Variants in FLRT1 observed in about 807,000 individuals in gnomAD.
The protein encoded by FLRT1 is leucine-rich repeat transmembrane protein FLRT1.
A neutral mutation model predicts 30.9 loss-of-function variants in FLRT1; 14 were observed. The ratio of observed to expected loss-of-function variants is 0.45; its 90% CI spans 0.30 to 0.71. The LOEUF is 0.71. FLRT1 is among the 30% of genes least tolerant of loss of function. FLRT1 has a pLI of 0.08. For missense variants in FLRT1, 737 were observed against 949.2 expected (o/e 0.78, Z 2.94); for synonymous variants, 368 against 430.4 (o/e 0.85, Z 1.80).
chr11:64,053,147 G>C (rs776902687), intron 1 of FLRT1, among the ~76,000 whole-genome samples: 1 of 152,206 alleles, frequency 6.6e-6, no homozygotes, highest in African/African-American at 2.4e-5. Flanking sequence ...AGGCTCATGC[G>C]GGCCCCAGAC....
intron 1 of FLRT1, among the ~76,000 whole-genome samples, chr11:64,093,105 G>A (rs927751162): frequency 2.6e-5 from 4 of 152,194 alleles, no homozygotes; most frequent in Non-Finnish European, 5.9e-5. Context: ...CCCTGGGCAG[G>A]CTCCTGAATA....
At position 64,060,249 on chromosome 11, in the gene FLRT1, C is replaced by G. The variant is rs756133863; in HGVS notation, c.-1038+24090C>G. 2.6e-4 allele frequency among the ~76,000 whole-genome samples: 39 copies of G among 152,248 alleles called. 2 individuals are homozygous for G. The highest frequency in any genetic ancestry group is 2.2e-4 in the Non-Finnish European group (15 of 68,042). On this transcript the variant is annotated intron_variant, in intron 1 of 2. Transcript: ENST00000682287. ...GGCCTGACAGCTCCCCACGCGGGCG[C>G]CCAGGAGGCCCCAGAGCTCCGGGAG...
Position 64,116,534 on chromosome 11 carries a change from G to A in FLRT1, c.267G>A (p.Gln89=). 6.2e-7 allele frequency: 1 copy of A among 1,614,010 alleles called. No homozygotes were observed. The highest frequency in any genetic ancestry group is 8.5e-7 in the Non-Finnish European group (1 of 1,179,982). Residue 89 remains glutamine (Q), a synonymous_variant, in exon 3 of 3, where the codon CAG becomes CAA. Transcript: ENST00000682287. ...ATGATGCCACCACCCTCTACCTGCA[G>A]AACAACCAGATCAACAACGCCGGCA... The part of the protein sequence containing the change: ...IPDDATTLYL[Q]NNQINNAGIP...
chr11:64,047,169 C>T (rs1341591485), intron 1 of FLRT1, among the ~76,000 whole-genome samples: 1 of 152,170 alleles, frequency 6.6e-6, no homozygotes, highest in Non-Finnish European at 1.5e-5. Context: ...TGCCTGCCTC[C>T]ACCCACCTGT....
chr11:64,052,817 C>A (rs1590843000), intron 1 of FLRT1, among the ~76,000 whole-genome samples: 1 of 152,300 alleles, frequency 6.6e-6, no homozygotes, highest in Non-Finnish European at 1.5e-5. Context: ...TCCAGGGGCC[C>A]TTTGCCCAGG....
intron 1 of FLRT1, among the ~76,000 whole-genome samples, chr11:64,046,269 C>A (rs1456320419): frequency 1.3e-5 from 2 of 152,166 alleles, no homozygotes; most frequent in Non-Finnish European, 2.9e-5. Flanking sequence ...GGGACAGGGG[C>A]CACCTCCTGC....
At position 64,065,247 on chromosome 11, in the gene FLRT1, T is replaced by C. The variant is rs187829752; in HGVS notation, c.-1038+29088T>C. ...GAAGAGCGGGTAGAGTGTTGAGCGA[T>C]CGGAGCAGTGAGGCGGTGGGTGGGC... On this transcript the variant is annotated intron_variant, in intron 1 of 2. Transcript: ENST00000682287. Among the ~76,000 whole-genome samples, 42 of 152,154 alleles carry C rather than the reference T, an allele frequency of 2.8e-4. 1 individual carries two copies. The East Asian group carries it at 4.4e-3, about 16-fold the overall frequency.
In FLRT1 at chr11:64,053,613, G is replaced by T. The variant is rs542185721; in HGVS notation, c.-1038+17454G>T. On this transcript the variant is annotated intron_variant, in intron 1 of 2. Transcript: ENST00000682287. Reference sequence around the variant, plus strand: ...GAGCAGGAAGTGGGAGGGATGTGGGGCCCCTACCCTGGGGATCTACAGGGG... The same window carrying T: ...GAGCAGGAAGTGGGAGGGATGTGGGTCCCCTACCCTGGGGATCTACAGGGG... Among the ~76,000 whole-genome samples the T allele has an allele frequency of 4.6e-5, 7 of 152,254 alleles. No individual in the cohort carries two copies. In the South Asian group the frequency reaches 1.4e-3, roughly 32 times the overall value.
rs1382823627 is a variant in FLRT1 at position 64,067,243 on chromosome 11, A to G, written c.-1038+31084A>G. On this transcript the variant is annotated intron_variant, in intron 1 of 2. Transcript: ENST00000682287. This position sits in a 1 kb window ranked among gnomAD's most constrained non-coding sequence, Gnocchi z 4.6. Reference sequence around the variant, plus strand: ...TGGGGAGAGGCCTTGCATGGCACCCACTCCCACCTGTGCGGCACGAGAGGG... The same window carrying G: ...TGGGGAGAGGCCTTGCATGGCACCCGCTCCCACCTGTGCGGCACGAGAGGG... Among the ~76,000 whole-genome samples, 1 of 151,620 alleles carries G rather than the reference A, an allele frequency of 6.6e-6. No homozygotes were observed. Among genetic ancestry groups the G allele is most frequent in the East Asian group, 1.9e-4 (1 of 5,134 alleles).
In FLRT1 at chr11:64,117,958, T is replaced by G; in HGVS notation, c.1691T>G (p.Val564Gly). ...ATCATCGGCGGGGCAGTGGCTCTGG[T>G]CTTCCTCTTCCTGGTCCTGGGGGCC... is the stretch of plus-strand genomic sequence containing the variant. Reference protein sequence around the residue: ...AGIIGGAVALVFLFLVLGAIC... With the variant: ...AGIIGGAVALGFLFLVLGAIC... Residue 564 changes from valine (V) to glycine (G), a missense_variant, in exon 3 of 3, where the codon GTC (valine) becomes GGC (glycine). Physicochemically the swap from Val to Gly is moderately radical, Grantham distance 109. Coordinates refer to ENST00000682287, the MANE Select transcript of FLRT1 (RefSeq NM_013280.5). The G allele has an allele frequency of 6.2e-7, 1 of 1,613,606 alleles. No individual in the cohort carries two copies. The highest frequency in any genetic ancestry group is 8.5e-7 in the Non-Finnish European group (1 of 1,179,978).
Position 64,109,463 on chromosome 11 carries a change from A to T in FLRT1, c.-50+5282A>T, listed in dbSNP as rs1463359188. Among the ~76,000 whole-genome samples the T allele has an allele frequency of 3.3e-5, 5 of 152,120 alleles. No homozygotes were observed. In the South Asian group the frequency reaches 1.0e-3, roughly 32 times the overall value. ...GGGCAGCAGCTCCACAAAGGGTCTA[A>T]TGCACCGTGAGCACAGCTTCTGGGG... On this transcript the variant is annotated intron_variant, in intron 2 of 2. Coordinates refer to ENST00000682287, the MANE Select transcript of FLRT1 (RefSeq NM_013280.5).
intron 1 of FLRT1, among the ~76,000 whole-genome samples, chr11:64,065,888 A>G (rs573947850): frequency 6.6e-6 from 1 of 152,152 alleles, no homozygotes; most frequent in Admixed American, 6.5e-5. Context: ...ACCCCAGTGC[A>G]GAGTGGTTGG....
intron 1 of FLRT1, among the ~76,000 whole-genome samples, chr11:64,046,924 C>T (rs185390801): frequency 2.6e-5 from 4 of 152,336 alleles, no homozygotes; most frequent in African/African-American, 4.8e-5. Context: ...AGTCAAGTCA[C>T]GCACTAGCTC....
intron 1 of FLRT1, among the ~76,000 whole-genome samples, chr11:64,063,301 G>C (rs560057088): frequency 2.6e-5 from 4 of 152,250 alleles, no homozygotes; most frequent in African/African-American, 9.6e-5. Context: ...TTGGCCAAAT[G>C]AGTTAACAGT....
chr11:64,092,661 T>TG (rs1258620798), intron 1 of FLRT1, among the ~76,000 whole-genome samples: 1 of 152,218 alleles, frequency 6.6e-6, no homozygotes, highest in Non-Finnish European at 1.5e-5. Context: ...AGCCACCAGC[T>TG]GGGTACCAGG....
rs915418815 is a variant in FLRT1 at position 64,064,097 on chromosome 11, G to A, written c.-1038+27938G>A. Among the ~76,000 whole-genome samples the A allele has an allele frequency of 6.6e-6, 1 of 152,066 alleles. No individual in the cohort carries two copies. Among genetic ancestry groups the A allele is most frequent in the Non-Finnish European group, 1.5e-5 (1 of 68,008 alleles). ...ACAAACCCGAGGTCTCTCTCTCTGCGCCCCCTATCTCTCCAAGCCCCTCGG... is the reference window on the plus strand; with the variant it reads ...ACAAACCCGAGGTCTCTCTCTCTGCACCCCCTATCTCTCCAAGCCCCTCGG... On this transcript the variant is annotated intron_variant, in intron 1 of 2. Transcript: ENST00000682287. The surrounding 1 kb of genome is among the most constrained non-coding windows in gnomAD (Gnocchi z 4.5).
At chr11:64,063,688 T>C (rs915261096) in intron 1 of FLRT1, among the ~76,000 whole-genome samples, 6 of 152,094 alleles carry the variant, frequency 3.9e-5, no homozygotes, top group Non-Finnish European at 8.8e-5. Context: ...CCTGGGGGTG[T>C]CAAGGGACAC....
rs371386706 is a variant in FLRT1 at position 64,117,410 on chromosome 11, G to A, written c.1143G>A (p.Thr381=). 3.3e-5 allele frequency: 54 copies of A among 1,612,172 alleles called. No homozygotes were observed. Among genetic ancestry groups the A allele is most frequent in the African/African-American group, 2.0e-4 (15 of 75,040 alleles). The change falls in exon 3 of 3, where the codon ACG becomes ACA. Residue 381 remains threonine, a synonymous_variant. Coordinates refer to ENST00000682287, the MANE Select transcript of FLRT1 (RefSeq NM_013280.5). The stretch of plus-strand genomic sequence containing the variant: ...GCGAGATGGACGAGTGTTTTGAGAC[G>A]GGGCCGCAGGGCGGCGTGGCCAATG... The part of the protein sequence containing the change: ...ITSEMDECFE[T]GPQGGVANAA...
intron 2 of FLRT1, among the ~76,000 whole-genome samples, chr11:64,107,266 T>C (rs1479229450): frequency 6.6e-6 from 1 of 152,264 alleles, no homozygotes; most frequent in East Asian, 1.9e-4. Context: ...CAGACAGAAA[T>C]ATCAGGTGTA....
Sources: gnomAD v4.1 joint callset for allele counts (sites outside exome capture counted in the v4.1 genomes callset) on GRCh38, gnomAD v4.1.1 for gene constraint, Gnocchi (gnomAD v3.1) non-coding constraint, MANE v1.5 for transcripts, NCBI Gene and HGNC (gene_info 2026-07-23, HGNC 2026-07-21) for gene names.